PDE4D: variants seen among roughly 807,000 people sequenced by gnomAD.
PDE4D encodes 3',5'-cyclic-AMP phosphodiesterase 4D.
A neutral mutation model predicts 87.4 loss-of-function variants in PDE4D; 24 were observed. The ratio of observed to expected loss-of-function variants is 0.27; its 90% CI spans 0.20 to 0.39. The LOEUF is 0.39. PDE4D is among the 10% of genes least tolerant of loss of function. The probability of loss-of-function intolerance (pLI) is 1.00; values close to 1 mark genes in which losing one functional copy is unlikely to be tolerated. For missense variants in PDE4D, 714 were observed against 1,041.0 expected (o/e 0.69, Z 4.32); for synonymous variants, 384 against 383.2 (o/e 1.00, Z -0.02).
chr5:60,405,259 G>A (rs1310690207), intron 1 of PDE4D, among the ~76,000 whole-genome samples: 1 of 152,214 alleles, frequency 6.6e-6, no homozygotes, highest in Non-Finnish European at 1.5e-5. Context: ...GCAATAATGT[G>A]TCATCTGACT....
chr5:60,056,986 C>T (rs564183353), intron 2 of PDE4D, among the ~76,000 whole-genome samples: 11 of 152,138 alleles, frequency 7.2e-5, no homozygotes, highest in African/African-American at 2.2e-4. Context: ...TATTCCAACA[C>T]CTATCAACAG....
rs532831891 is a variant in PDE4D at position 59,026,557 on chromosome 5, A to G, written c.921+12302T>C. 2.6e-5 allele frequency among the ~76,000 whole-genome samples: 4 copies of G among 152,298 alleles called. No homozygotes were observed. The East Asian group carries it at 7.7e-4, about 29-fold the overall frequency. ...ACACTCACTGGGTTGGGCTAAAAAC[A>G]CCGTAGAAGACCTCATCAGAACAAT... is the stretch of plus-strand genomic sequence containing the variant. On this transcript the variant is annotated intron_variant, in intron 6 of 14. Transcript: ENST00000340635.
At chr5:59,772,322 C>T (rs1763663158) in intron 1 of PDE4D, among the ~76,000 whole-genome samples, 1 of 152,194 alleles carries the variant, frequency 6.6e-6, no homozygotes, top group Non-Finnish European at 1.5e-5. Flanking sequence ...CTGAAAAACA[C>T]TGTACAGTAA....
chr5:59,323,640 C>A (rs887280260), intron 1 of PDE4D, among the ~76,000 whole-genome samples: 1 of 152,004 alleles, frequency 6.6e-6, no homozygotes, highest in Non-Finnish European at 1.5e-5. Flanking sequence ...ATCAATCAAA[C>A]CTATTCACCT....
At chr5:59,066,134 A>G (rs953376417) in intron 5 of PDE4D, among the ~76,000 whole-genome samples, 6 of 152,174 alleles carry the variant, frequency 3.9e-5, no homozygotes, top group African/African-American at 1.2e-4. Flanking sequence ...AACATGTAGT[A>G]TGTACTAAAC....
At chr5:60,087,399 C>T (rs1346128653) in intron 2 of PDE4D, among the ~76,000 whole-genome samples, 3 of 152,150 alleles carry the variant, frequency 2.0e-5, no homozygotes, top group East Asian at 1.9e-4. Flanking sequence ...AACAAAACTC[C>T]AACAATAGAC....
intron 2 of PDE4D, among the ~76,000 whole-genome samples, chr5:60,020,710 T>C (rs1418324999): frequency 6.6e-6 from 1 of 152,182 alleles, no homozygotes; most frequent in Non-Finnish European, 1.5e-5. Flanking sequence ...CTGTCACCAG[T>C]TGAATGCAGC....
intron 1 of PDE4D, among the ~76,000 whole-genome samples, chr5:59,828,820 A>G (rs1416654812): frequency 6.6e-6 from 1 of 152,108 alleles, no homozygotes; most frequent in African/African-American, 2.4e-5. Flanking sequence ...ACTGAGTAAC[A>G]CTGTGAGGTA....
At chr5:60,518,100 C>T (rs1750880036) in intron 1 of PDE4D, among the ~76,000 whole-genome samples, 1 of 152,234 alleles carries the variant, frequency 6.6e-6, no homozygotes, top group South Asian at 2.1e-4. Context: ...CAGCCACAGC[C>T]TCACAGGGAG....
intron 1 of PDE4D, among the ~76,000 whole-genome samples, chr5:59,865,486 T>C (rs916651273): frequency 1.3e-5 from 2 of 152,138 alleles, no homozygotes; most frequent in Admixed American, 1.3e-4. Flanking sequence ...TGCCACAGCC[T>C]TTTGTAGAGC....
At chr5:59,668,791 AAAGAAGAAGAAGAAAGAAG>A (rs1406883952) in intron 1 of PDE4D, among the ~76,000 whole-genome samples, 4 of 137,512 alleles carry the variant, frequency 2.9e-5, no homozygotes, top group African/African-American at 1.2e-4. Flanking sequence ...GAAGAAGAAG[AAAGAAGAAGAAGAAAGAAG>A]AAGAAGAAGA....
At chr5:59,435,276 C>A (rs564926355) in intron 1 of PDE4D, among the ~76,000 whole-genome samples, 14 of 151,844 alleles carry the variant, frequency 9.2e-5, no homozygotes, top group Non-Finnish European at 1.8e-4. Flanking sequence ...TGAAATTATC[C>A]AATAGTTCCA....
At chr5:59,994,383 T>G (rs1281266524) in intron 2 of PDE4D, among the ~76,000 whole-genome samples, 4 of 151,884 alleles carry the variant, frequency 2.6e-5, no homozygotes, top group Admixed American at 2.6e-4. Context: ...TGTATATACA[T>G]ATATATATTT....
intron 1 of PDE4D, among the ~76,000 whole-genome samples, chr5:60,422,788 T>C (rs1024564766): frequency 7.2e-5 from 11 of 152,200 alleles, no homozygotes; most frequent in Non-Finnish European, 1.5e-5. Flanking sequence ...GTGTGCTGTA[T>C]TCAGGAGACC....
intron 1 of PDE4D, among the ~76,000 whole-genome samples, chr5:60,297,563 T>C (rs1270647498): frequency 6.6e-5 from 10 of 152,218 alleles, no homozygotes; most frequent in Admixed American, 6.5e-4. Context: ...AAAACATTTT[T>C]AACTCAATCT....
Position 59,085,819 on chromosome 5 carries a change from TAAG to T in PDE4D, c.809-46851_809-46849del, listed in dbSNP as rs1767569459. On this transcript the variant is annotated intron_variant, in intron 5 of 14. Coordinates refer to ENST00000340635, the MANE Select transcript of PDE4D (RefSeq NM_001104631.2). Reference sequence around the variant, plus strand: ...CAAACATTAGATGTTACTGGAGGTCTAAGAAGTAAGAGCTGAATACTCGTCAGA... The same window carrying T: ...CAAACATTAGATGTTACTGGAGGTCTAAGTAAGAGCTGAATACTCGTCAGA... 2.0e-5 allele frequency among the ~76,000 whole-genome samples: 3 copies of T among 152,250 alleles called. No homozygotes were observed. In the South Asian group the frequency reaches 6.2e-4, roughly 32 times the overall value.
chr5:60,228,512 G>A (rs1583147855), intron 1 of PDE4D, among the ~76,000 whole-genome samples: 1 of 151,890 alleles, frequency 6.6e-6, no homozygotes, highest in Admixed American at 6.6e-5. Context: ...GCCCCCCAAT[G>A]AGCTGTGCTT....
At chr5:59,357,066 G>A (rs1419779041) in intron 1 of PDE4D, 18 of 449,924 alleles carry the variant, frequency 4.0e-5, no homozygotes, top group Non-Finnish European at 6.4e-5. Context: ...TGGCCTTTGC[G>A]ACAGAGTTTG....
At chr5:59,991,011 AGAGT>A (rs1173958425) in intron 2 of PDE4D, among the ~76,000 whole-genome samples, 4 of 152,224 alleles carry the variant, frequency 2.6e-5, no homozygotes, top group East Asian at 1.9e-4. Flanking sequence ...AGTCACTGGC[AGAGT>A]GAGTATTAGT....
Sources: gnomAD v4.1 joint callset for allele counts (sites outside exome capture counted in the v4.1 genomes callset) on GRCh38, gnomAD v4.1.1 for gene constraint, MANE v1.5 for transcripts, NCBI Gene and HGNC (gene_info 2026-07-23, HGNC 2026-07-21) for gene names.